PDE3A: variants seen among roughly 807,000 people sequenced by gnomAD.
PDE3A encodes phosphodiesterase 3A, also known as cGMP-inhibited 3',5'-cyclic phosphodiesterase 3A.
PDE3A carries 43 observed loss-of-function variants against 98.3 expected under a neutral mutation model. That is an observed-to-expected ratio of 0.44 (90% CI 0.34 to 0.56). The LOEUF (loss-of-function observed/expected upper bound fraction) is 0.56, where lower values mean the gene tolerates loss of function less well. PDE3A is among the 20% of genes least tolerant of loss of function. The pLI is 0.01. For synonymous variants in PDE3A, 663 were observed against 567.9 expected (o/e 1.17, Z -2.38); for missense variants, 1,427 against 1,440.7 (o/e 0.99, Z 0.15).
intron 1 of PDE3A, among the ~76,000 whole-genome samples, chr12:20,471,605 C>CT (rs1945441463): frequency 6.6e-6 from 1 of 152,242 alleles, no homozygotes; most frequent in Non-Finnish European, 1.5e-5. Flanking sequence ...CAAAAACCAT[C>CT]TTTTTTCTGT....
chr12:20,545,419 T>A (rs1273933585), intron 1 of PDE3A, among the ~76,000 whole-genome samples: 5 of 151,978 alleles, frequency 3.3e-5, no homozygotes, highest in Non-Finnish European at 5.9e-5. Context: ...GGCTGCTATA[T>A]TGAAATGCTA....
chr12:20,580,574 T>TCA (rs1943039088), intron 2 of PDE3A, among the ~76,000 whole-genome samples: 2 of 152,182 alleles, frequency 1.3e-5, no homozygotes, highest in African/African-American at 4.8e-5. Flanking sequence ...TTTAGTCAAA[T>TCA]TAGGACTGTG....
chr12:20,395,253 A>T (rs1391523276), intron 1 of PDE3A, among the ~76,000 whole-genome samples: 4 of 151,960 alleles, frequency 2.6e-5, no homozygotes, highest in African/African-American at 9.7e-5. Flanking sequence ...TGCTTGGATG[A>T]ATAAAATTGC....
intron 1 of PDE3A, among the ~76,000 whole-genome samples, chr12:20,524,904 G>A (rs961340959): frequency 6.6e-6 from 1 of 152,140 alleles, no homozygotes; most frequent in Admixed American, 6.5e-5. Context: ...GGAGACTGAG[G>A]CGGGTGGATC....
chr12:20,620,558 T>C (rs1256752304), intron 4 of PDE3A, among the ~76,000 whole-genome samples: 2 of 152,090 alleles, frequency 1.3e-5, no homozygotes, highest in Non-Finnish European at 2.9e-5. Flanking sequence ...ATCACAATCA[T>C]TGCATGACTT....
intron 1 of PDE3A, chr12:20,553,018 A>T: frequency 6.5e-7 from 1 of 1,529,422 alleles, no homozygotes; most frequent in Non-Finnish European, 8.9e-7. Flanking sequence ...GTGATCTCCA[A>T]GCACTTCTCG....
chr12:20,421,274 GC>G (rs1049145224), intron 1 of PDE3A, among the ~76,000 whole-genome samples: 17 of 151,738 alleles, frequency 1.1e-4, no homozygotes, highest in Middle Eastern at 3.4e-3. Flanking sequence ...ATTTATATTT[GC>G]CATCGTATAA....
At chr12:20,499,171 T>C (rs909989075) in intron 1 of PDE3A, among the ~76,000 whole-genome samples, 1 of 152,190 alleles carries the variant, frequency 6.6e-6, no homozygotes, top group Non-Finnish European at 1.5e-5. Context: ...ATTTATATGG[T>C]AGATTTAAGA....
intron 1 of PDE3A, among the ~76,000 whole-genome samples, chr12:20,491,990 T>TA (rs908678564): frequency 1.3e-5 from 1 of 76,464 alleles, no homozygotes; most frequent in African/African-American, 3.1e-5. Flanking sequence ...GTACAGAGAG[T>TA]TTTTTTTTGA....
chr12:20,612,768 C>A (rs975461979), intron 2 of PDE3A, among the ~76,000 whole-genome samples: 1 of 114,268 alleles, frequency 8.8e-6, no homozygotes, highest in African/African-American at 3.3e-5. Flanking sequence ...ATATATATGG[C>A]CTCTGTGTTT....
intron 1 of PDE3A, among the ~76,000 whole-genome samples, chr12:20,417,208 G>T (rs1191023143): frequency 2.0e-5 from 3 of 152,104 alleles, no homozygotes. Context: ...TATGTGGCAT[G>T]CCTTAATTTT....
intron 1 of PDE3A, among the ~76,000 whole-genome samples, chr12:20,527,860 A>G (rs1247747219): frequency 6.6e-6 from 1 of 150,998 alleles, no homozygotes; most frequent in Non-Finnish European, 1.5e-5. Flanking sequence ...ATCATTTTAT[A>G]TGTTGCGGTG....
At chr12:20,521,611 T>A (rs921056518) in intron 1 of PDE3A, among the ~76,000 whole-genome samples, 1 of 152,212 alleles carries the variant, frequency 6.6e-6, no homozygotes, top group Non-Finnish European at 1.5e-5. Context: ...TTATTTAGAA[T>A]CAAATGCTCA....
chr12:20,520,537 A>T (rs903393548), intron 1 of PDE3A, among the ~76,000 whole-genome samples: 3 of 152,202 alleles, frequency 2.0e-5, no homozygotes, highest in Non-Finnish European at 4.4e-5. Context: ...AATAAATTAT[A>T]AATATTTCTT....
At chr12:20,518,347 G>C (rs2121140715) in intron 1 of PDE3A, among the ~76,000 whole-genome samples, 1 of 151,930 alleles carries the variant, frequency 6.6e-6, no homozygotes, top group African/African-American at 2.4e-5. Flanking sequence ...TCCTTGCTAT[G>C]ACAATGACTG....
chr12:20,435,974 G>A (rs753313973), intron 1 of PDE3A, among the ~76,000 whole-genome samples: 13 of 152,042 alleles, frequency 8.6e-5, no homozygotes, highest in Non-Finnish European at 1.8e-4. Flanking sequence ...GAGATTTTTG[G>A]TGTGGGAGGG....
At chr12:20,410,488 A>G (rs2120705877) in intron 1 of PDE3A, among the ~76,000 whole-genome samples, 1 of 152,106 alleles carries the variant, frequency 6.6e-6, no homozygotes, top group South Asian at 2.1e-4. Flanking sequence ...CATGATTCTT[A>G]CTCTACTTCT....
intron 15 of PDE3A, among the ~76,000 whole-genome samples, chr12:20,667,961 G>A (rs111471295): frequency 6.6e-5 from 10 of 152,034 alleles, no homozygotes; most frequent in Admixed American, 1.3e-4. Flanking sequence ...TAGGGAGTGC[G>A]AGACAGTGGG....
chr12:20,492,419 T>TC (rs1260197406), intron 1 of PDE3A, among the ~76,000 whole-genome samples: 6 of 151,850 alleles, frequency 4.0e-5, no homozygotes, highest in Admixed American at 2.6e-4. Context: ...GCTATATGTA[T>TC]GAGTCACAGT....
Sources: allele counts gnomAD v4.1 joint callset (sites outside exome capture counted in the v4.1 genomes callset), GRCh38; gene constraint gnomAD v4.1.1; transcripts MANE v1.5; gene names NCBI Gene and HGNC (gene_info 2026-07-23, HGNC 2026-07-21).